Variants in PAM observed in about 807,000 individuals in gnomAD.
PAM encodes the protein peptidyl-glycine alpha-amidating monooxygenase.
Under a neutral mutation model 122.1 loss-of-function variants are expected in PAM, and 72 were observed. The observed-to-expected ratio is 0.59, with a 90% CI of 0.49 to 0.72. PAM has a LOEUF of 0.72. PAM is among the 30% of genes least tolerant of loss of function. PAM has a pLI of 0.00. For synonymous variants in PAM, 389 were observed against 404.4 expected, an observed-to-expected ratio of 0.96 and a Z score of 0.46; for missense variants, 1,106 against 1,183.7, an observed-to-expected ratio of 0.93 and a Z score of 0.96.
intron 14 of PAM, among the ~76,000 whole-genome samples, chr5:102,969,145 G>T (rs1192675577): frequency 1.3e-5 from 2 of 151,940 alleles, no homozygotes; most frequent in Non-Finnish European, 2.9e-5. Context: ...GTAGATGATG[G>T]GTTGATGGGT....
At chr5:102,972,386 G>A (rs984865943) in intron 14 of PAM, among the ~76,000 whole-genome samples, 3 of 152,114 alleles carry the variant, frequency 2.0e-5, no homozygotes, top group Admixed American at 6.5e-5. Flanking sequence ...AGCTCAAGCA[G>A]TCCTCCCACT....
rs111919018 is a variant in PAM at position 102,991,067 on chromosome 5, C to A, written c.1613+666C>A. Among the ~76,000 whole-genome samples, 6 of 152,226 alleles carry A rather than the reference C, an allele frequency of 3.9e-5. No homozygotes were observed. The South Asian group carries it at 8.3e-4, about 21-fold the overall frequency. ...AGGGATTTTTAGTAAAAACATAGAA[C>A]GGTTATTGAGTGTTTCCTCTGAGTT... On this transcript the variant is annotated intron_variant, in intron 16 of 25. Coordinates refer to ENST00000438793, the MANE Select transcript of PAM (RefSeq NM_001177306.2).
intron 2 of PAM, 189 bp downstream of exon 2, chr5:102,866,473 C>A: frequency 1.7e-6 from 1 of 573,864 alleles, no homozygotes; most frequent in Non-Finnish European, 3.1e-6. Context: ...CCAAGCAGTT[C>A]TGGCTTTCAA....
At chr5:102,795,561 G>A (rs77331374) in intron 1 of PAM, among the ~76,000 whole-genome samples, 2,409 of 152,248 alleles carry the variant, frequency 0.016, 58 homozygotes, top group African/African-American at 0.054. Flanking sequence ...TTAACTAAAT[G>A]ACTTTCTTAA....
intron 7 of PAM, among the ~76,000 whole-genome samples, chr5:102,938,668 T>C (rs1754084599): frequency 6.6e-6 from 1 of 152,154 alleles, no homozygotes; most frequent in South Asian, 2.1e-4. Context: ...CAGAGCTACA[T>C]AGTCATCATC....
intron 4 of PAM, among the ~76,000 whole-genome samples, chr5:102,911,667 T>C (rs1801446634): frequency 6.6e-6 from 1 of 152,018 alleles, no homozygotes; most frequent in Admixed American, 6.6e-5. Context: ...GATTATATGT[T>C]GTTGTCTTTA....
At chr5:103,028,849 A>G (rs746782924) in intron 25 of PAM, 38 bp from the exon 26 acceptor site, 8 of 1,465,778 alleles carry the variant, frequency 5.5e-6, no homozygotes, top group South Asian at 1.2e-5. Context: ...CATTGCTGCA[A>G]ACTTTACCCA....
intron 1 of PAM, among the ~76,000 whole-genome samples, chr5:102,787,087 T>C (rs894360727): frequency 1.3e-5 from 2 of 152,182 alleles, no homozygotes; most frequent in African/African-American, 4.8e-5. Flanking sequence ...TTAAAATCTC[T>C]TAATTTAGAA....
intron 21 of PAM, among the ~76,000 whole-genome samples, chr5:103,014,153 G>C (rs1328046336): frequency 6.6e-6 from 1 of 152,064 alleles, no homozygotes; most frequent in Non-Finnish European, 1.5e-5. Context: ...TGTTTGCCTT[G>C]CTCATTCTTT....
At chr5:102,910,583 C>T (rs2151527683) in intron 4 of PAM, among the ~76,000 whole-genome samples, 1 of 151,964 alleles carries the variant, frequency 6.6e-6, no homozygotes, top group Non-Finnish European at 1.5e-5. Context: ...AAGCAACTGT[C>T]ATCTTAATAT....
rs141168984 is a variant in PAM at position 102,808,710 on chromosome 5, G to A, written c.-374+53362G>A. Among the ~76,000 whole-genome samples the A allele has an allele frequency of 1.2e-3, 185 of 152,304 alleles. 1 individual carries two copies. The highest frequency in any genetic ancestry group is 1.9e-3 in the Non-Finnish European group (131 of 68,024). On this transcript the variant is annotated intron_variant, in intron 1 of 25. Coordinates refer to ENST00000438793, the MANE Select transcript of PAM (RefSeq NM_001177306.2). Reference sequence around the variant, plus strand: ...GAAGAACCATGCTGAGAATTTGCATGTTATAGAAATTAAAATATGTAGGAC... The same window carrying A: ...GAAGAACCATGCTGAGAATTTGCATATTATAGAAATTAAAATATGTAGGAC...
At chr5:102,906,881 T>C (rs1799720857) in intron 4 of PAM, among the ~76,000 whole-genome samples, 1 of 151,766 alleles carries the variant, frequency 6.6e-6, no homozygotes, top group African/African-American at 2.4e-5. Context: ...TAGTGGACTA[T>C]TATAGGAATG....
intron 15 of PAM, chr5:102,974,850 A>C (rs542329187): frequency 6.5e-6 from 1 of 153,890 alleles, no homozygotes; most frequent in African/African-American, 2.4e-5. Flanking sequence ...CTTGTAAGGT[A>C]ATTAAATTCC....
At chr5:102,902,616 T>C (rs550964495) in intron 4 of PAM, among the ~76,000 whole-genome samples, 6 of 151,576 alleles carry the variant, frequency 4.0e-5, no homozygotes, top group Non-Finnish European at 8.9e-5. Context: ...AGAACATACA[T>C]TCATAATTAA....
intron 1 of PAM, among the ~76,000 whole-genome samples, chr5:102,801,772 A>ATTTTTTTTTTTTTTT (rs36068804): frequency 1.0e-5 from 1 of 98,978 alleles, no homozygotes; most frequent in African/African-American, 4.1e-5. Context: ...GGGAAAAGGT[A>ATTTTTTTTTTTTTTT]TTTTTTTTTT....
chr5:102,992,658 AG>A (rs1774477671), intron 16 of PAM, among the ~76,000 whole-genome samples: 2 of 152,114 alleles, frequency 1.3e-5, no homozygotes, highest in African/African-American at 4.8e-5. Flanking sequence ...ACAAAGAAAA[AG>A]TACCTTCCTG....
intron 1 of PAM, among the ~76,000 whole-genome samples, chr5:102,789,905 G>A (rs994623167): frequency 5.9e-5 from 9 of 151,778 alleles, no homozygotes; most frequent in African/African-American, 1.9e-4. Context: ...CAAATGTAAG[G>A]GTTAGCTAAT....
intron 5 of PAM, among the ~76,000 whole-genome samples, chr5:102,924,662 C>T (rs1342575488): frequency 6.6e-6 from 1 of 151,624 alleles, no homozygotes; most frequent in African/African-American, 2.4e-5. Context: ...TACCTGATTA[C>T]ATAGAGTACA....
chr5:102,790,046 A>G (rs1761649061), intron 1 of PAM, among the ~76,000 whole-genome samples: 1 of 152,104 alleles, frequency 6.6e-6, no homozygotes, highest in African/African-American at 2.4e-5. Context: ...AGTACTTCAC[A>G]TAATTCTTGG....
Sources: gnomAD v4.1 joint callset for allele counts (sites outside exome capture counted in the v4.1 genomes callset) on GRCh38, gnomAD v4.1.1 for gene constraint, MANE v1.5 for transcripts, NCBI Gene and HGNC (gene_info 2026-07-23, HGNC 2026-07-21) for gene names.